The following TAB2 variants were observed in gnomAD, a reference collection of about 807,000 sequenced individuals.
TAB2 encodes TGF-beta-activated kinase 1 and MAP3K7-binding protein 2.
A neutral mutation model predicts 65.0 loss-of-function variants in TAB2; 3 were observed. The ratio of observed to expected loss-of-function variants is 0.05; its 90% CI spans 0.02 to 0.12. The LOEUF is 0.12. Among genes scored for constraint, TAB2 ranks in the 10% least tolerant of loss-of-function variants. The probability of loss-of-function intolerance (pLI) is 1.00; values close to 1 mark genes in which losing one functional copy is unlikely to be tolerated. For synonymous variants in TAB2, 298 were observed against 285.1 expected, an observed-to-expected ratio of 1.05 and a Z score of -0.46; for missense variants, 623 against 840.3, an observed-to-expected ratio of 0.74 and a Z score of 3.20.
intron 1 of TAB2, among the ~76,000 whole-genome samples, chr6:149,287,478 TTC>T (rs1778696765): frequency 1.7e-5 from 1 of 59,888 alleles, no homozygotes; most frequent in Non-Finnish European, 2.9e-5. Flanking sequence ...AAACTTTGTT[TTC>T]TGTTTTTTTT....
chr6:149,396,943 C>T (rs1782192068), intron 3 of TAB2, among the ~76,000 whole-genome samples: 1 of 152,148 alleles, frequency 6.6e-6, no homozygotes, highest in South Asian at 2.1e-4. Flanking sequence ...ACATGACAAA[C>T]TCTGAAGTAA....
intron 1 of TAB2, among the ~76,000 whole-genome samples, chr6:149,352,207 T>G (rs1780514853): frequency 6.6e-6 from 1 of 152,192 alleles, no homozygotes; most frequent in South Asian, 2.1e-4. Context: ...GGCACCTTCT[T>G]GATAGTAAAA....
chr6:149,248,759 T>C (rs1777793202), intron 1 of TAB2, among the ~76,000 whole-genome samples: 1 of 152,204 alleles, frequency 6.6e-6, no homozygotes, highest in South Asian at 2.1e-4. Flanking sequence ...GAGGCTCACC[T>C]TGACCAGCCC....
intron 1 of TAB2, among the ~76,000 whole-genome samples, chr6:149,352,724 A>G (rs966678341): frequency 2.6e-5 from 4 of 152,208 alleles, no homozygotes; most frequent in Non-Finnish European, 4.4e-5. Context: ...AAACATTCAG[A>G]TAAGCAGTTG....
chr6:149,360,616 A>G (rs1780812983), intron 1 of TAB2, among the ~76,000 whole-genome samples: 1 of 152,298 alleles, frequency 6.6e-6, no homozygotes, highest in African/African-American at 2.4e-5. Context: ...CATCCAAACT[A>G]TATTATTCCG....
At chr6:149,314,959 G>T (rs1273408213), upstream of TAB2, among the ~76,000 whole-genome samples, 1 of 150,052 alleles carries the variant, frequency 6.7e-6, no homozygotes, top group African/African-American at 2.5e-5. Context: ...GAGGATAAAA[G>T]ACACTGAATA....
At chr6:149,304,653 A>C (rs1458258121) in intron 1 of TAB2, among the ~76,000 whole-genome samples, 22 of 152,228 alleles carry the variant, frequency 1.4e-4, no homozygotes, top group Admixed American at 1.4e-3. Flanking sequence ...TTGGCTTTAC[A>C]AATACGCAAC....
chr6:149,393,746 T>G (rs879280798), intron 3 of TAB2, among the ~76,000 whole-genome samples: 11 of 152,216 alleles, frequency 7.2e-5, no homozygotes, highest in Non-Finnish European at 1.5e-4. Context: ...ATTAGATTAT[T>G]TTTATGATTT....
chr6:149,402,716 G>A (rs893914751), intron 6 of TAB2, among the ~76,000 whole-genome samples: 3 of 152,052 alleles, frequency 2.0e-5, no homozygotes, highest in Non-Finnish European at 2.9e-5. Flanking sequence ...GAACATAGAC[G>A]CAAAAAGTCC....
chr6:149,409,074 T>C (rs1055735528), intron 6 of TAB2, among the ~76,000 whole-genome samples: 1 of 152,208 alleles, frequency 6.6e-6, no homozygotes, highest in Non-Finnish European at 1.5e-5. Context: ...AGACGTTAGA[T>C]ACTAGTTTAT....
chr6:149,289,323 G>A (rs1445203173), intron 1 of TAB2, among the ~76,000 whole-genome samples: 1 of 151,734 alleles, frequency 6.6e-6, no homozygotes, highest in African/African-American at 2.4e-5. Context: ...AGCCCAAGGG[G>A]AACAAGGTCA....
intron 1 of TAB2, among the ~76,000 whole-genome samples, chr6:149,361,260 G>T (rs2114834570): frequency 6.6e-6 from 1 of 152,232 alleles, no homozygotes; most frequent in Middle Eastern, 3.4e-3. Flanking sequence ...TGGCCACCCA[G>T]ACTTTCTCAT....
chr6:149,338,243 G>A (rs1195033118), intron 1 of TAB2, among the ~76,000 whole-genome samples: 3 of 152,106 alleles, frequency 2.0e-5, no homozygotes, highest in African/African-American at 4.8e-5. Context: ...ACCTTACATC[G>A]GTTCAACTCA....
At chr6:149,302,745 T>A (rs963083217) in intron 1 of TAB2, among the ~76,000 whole-genome samples, 6 of 152,324 alleles carry the variant, frequency 3.9e-5, no homozygotes, top group Non-Finnish European at 8.8e-5. Context: ...GGGTCATATC[T>A]ATCTATCTAT....
chr6:149,379,915 A>G (rs528523756), intron 3 of TAB2: 113 of 455,886 alleles, frequency 2.5e-4, no homozygotes, highest in South Asian at 1.7e-3. Context: ...AATATGGTAA[A>G]TTTGCCTTCT....
intron 3 of TAB2, among the ~76,000 whole-genome samples, chr6:149,393,773 T>A (rs979107008): frequency 6.6e-6 from 1 of 152,130 alleles, no homozygotes. Flanking sequence ...CAGAGTTGCA[T>A]ACTAGCATTT....
chr6:149,268,390 A>G (rs1778301872), intron 1 of TAB2, among the ~76,000 whole-genome samples: 1 of 152,252 alleles, frequency 6.6e-6, no homozygotes, highest in South Asian at 2.1e-4. Flanking sequence ...CCATGAGCCC[A>G]CCTAAAACTC....
At chr6:149,241,506 G>T (rs559630555) in intron 1 of TAB2, among the ~76,000 whole-genome samples, 2 of 152,284 alleles carry the variant, frequency 1.3e-5, no homozygotes, top group East Asian at 3.9e-4. Context: ...TATTTGCAAA[G>T]ATATTTTAGC....
chr6:149,346,205 CTT>C lies in TAB2; in HGVS notation c.-89-23702_-89-23701del, dbSNP rs553342053. 8.5e-4 allele frequency among the ~76,000 whole-genome samples: 129 copies of C among 152,254 alleles called. 1 individual carries two copies. Among genetic ancestry groups the C allele is most frequent in the African/African-American group, 2.7e-3 (111 of 41,548 alleles). ...TAGTAGTAGCAAATATCCATGTACA[CTT>C]TGTCTAACTTGTGAACTTATCATAC... On this transcript the variant is annotated intron_variant, in intron 1 of 6. Transcript: ENST00000637181.
Sources: allele counts gnomAD v4.1 joint callset (sites outside exome capture counted in the v4.1 genomes callset), GRCh38; gene constraint gnomAD v4.1.1; transcripts MANE v1.5; gene names NCBI Gene and HGNC (gene_info 2026-07-23, HGNC 2026-07-21).